MCPH1: variants seen among roughly 807,000 people sequenced by gnomAD.
The protein encoded by MCPH1 is microcephalin.
A neutral mutation model predicts 84.5 loss-of-function variants in MCPH1; 104 were observed. That is an observed-to-expected ratio of 1.23 (90% CI 1.05 to 1.45). The LOEUF (loss-of-function observed/expected upper bound fraction) is 1.45. MCPH1 is among the 40% of genes most tolerant of loss of function. The pLI is 0.00. For missense variants in MCPH1, 1,498 were observed against 1,005.7 expected, an observed-to-expected ratio of 1.49 and a Z score of -6.62; for synonymous variants, 514 against 366.8, an observed-to-expected ratio of 1.40 and a Z score of -4.58.
intron 13 of MCPH1, among the ~76,000 whole-genome samples, chr8:6,635,957 C>T (rs746317280): frequency 2.6e-5 from 4 of 152,194 alleles, no homozygotes; most frequent in Non-Finnish European, 5.9e-5. Context: ...TAAGTCTTCA[C>T]TGTGTTAATG....
intron 13 of MCPH1, chr8:6,625,801 G>A (rs902815676): frequency 3.1e-6 from 3 of 983,086 alleles, no homozygotes; most frequent in Admixed American, 1.2e-4. Flanking sequence ...AAAAAAAAAA[G>A]AATCATTTTT....
intron 12 of MCPH1, among the ~76,000 whole-genome samples, chr8:6,575,458 C>T (rs901170630): frequency 1.3e-5 from 2 of 152,108 alleles, no homozygotes; most frequent in Admixed American, 1.3e-4. Context: ...ATAAAGAAGA[C>T]CCAGGGTGGT....
At chr8:6,414,728 A>C (rs1397017497) in intron 2 of MCPH1, 37 bp from the exon 3 acceptor site, 1 of 1,608,558 alleles carries the variant, frequency 6.2e-7, no homozygotes, top group South Asian at 1.1e-5. Flanking sequence ...GTGAATGAAC[A>C]GTAATGTACA....
Position 6,480,723 on chromosome 8 carries a change from T to C in MCPH1, c.1983T>C (p.Asn661=). Reference sequence around the variant, plus strand: ...TCCCCCGATTTGACAGAAAGCAGAATGTCGTCATCCAGGTTGTGGATAAAT... The same window carrying C: ...TCCCCCGATTTGACAGAAAGCAGAACGTCGTCATCCAGGTTGTGGATAAAT... ...VMTSMPSEKQ[N]VVIQVVDKLK... Residue 661 remains asparagine (N), a synonymous_variant, in exon 11 of 14, where the codon AAT becomes AAC. Coordinates refer to ENST00000344683, the MANE Select transcript of MCPH1 (RefSeq NM_024596.5). 2 of 1,614,210 alleles carry C rather than the reference T, an allele frequency of 1.2e-6. No homozygotes were observed. Among genetic ancestry groups the C allele is most frequent in the Non-Finnish European group, 1.7e-6 (2 of 1,180,020 alleles).
Position 6,480,773 on chromosome 8 carries a change from A to T in MCPH1, c.2033A>T (p.Asp678Val). The change falls in exon 11 of 14, where the codon GAC becomes GTC. Residue 678 changes from aspartate to valine, a missense_variant. By Grantham distance (152) the Asp-to-Val change is radical (BLOSUM62 -3). Transcript: ENST00000344683. The part of the protein sequence containing the change: ...DKLKGFSIAP[D>V]VCETTTHVLS... ...TTGAAAGGCTTTTCAATTGCACCAGACGTCTGTGAGACCACGACTCACGTG... is the reference window on the plus strand; with the variant it reads ...TTGAAAGGCTTTTCAATTGCACCAGTCGTCTGTGAGACCACGACTCACGTG... 1 of 1,614,200 alleles carries T rather than the reference A, an allele frequency of 6.2e-7. No homozygotes were observed. The highest frequency in any genetic ancestry group is 1.1e-5 in the South Asian group (1 of 91,082).
intron 3 of MCPH1, among the ~76,000 whole-genome samples, chr8:6,416,795 A>T (rs1335960943): frequency 1.3e-5 from 2 of 150,040 alleles, no homozygotes; most frequent in African/African-American, 4.9e-5. Context: ...GGAGTTTGAG[A>T]CCAGCCTGAT....
chr8:6,429,087 C>T (rs1387568218), intron 3 of MCPH1, among the ~76,000 whole-genome samples: 2 of 152,244 alleles, frequency 1.3e-5, no homozygotes, highest in Non-Finnish European at 2.9e-5. Flanking sequence ...AGGCTCTTTC[C>T]ACTCTTGATT....
At chr8:6,530,508 CAAAAAA>C (rs55729820) in intron 12 of MCPH1, among the ~76,000 whole-genome samples, 22,629 of 98,266 alleles carry the variant, frequency 0.23, 2,315 homozygotes, top group African/African-American at 0.39. Context: ...GACTCTGTCT[CAAAAAA>C]AAAAAAAAAA....
intron 13 of MCPH1, among the ~76,000 whole-genome samples, chr8:6,633,796 GTT>G (rs1479799392): frequency 1.3e-5 from 2 of 152,162 alleles, no homozygotes; most frequent in Non-Finnish European, 2.9e-5. Context: ...ACTCACTGTG[GTT>G]TTTTGCTTAT....
chr8:6,471,100 A>G (rs1807661781), intron 9 of MCPH1, among the ~76,000 whole-genome samples: 1 of 152,096 alleles, frequency 6.6e-6, no homozygotes, highest in African/African-American at 2.4e-5. Context: ...GGTGACCAAC[A>G]TACTCAGTGG....
chr8:6,437,526 G>A (rs1802844236), intron 5 of MCPH1, among the ~76,000 whole-genome samples: 1 of 152,194 alleles, frequency 6.6e-6, no homozygotes, highest in East Asian at 1.9e-4. Flanking sequence ...ACCGCGCCCG[G>A]CCAAGATTTA....
intron 12 of MCPH1, among the ~76,000 whole-genome samples, chr8:6,605,033 C>G (rs1211172215): frequency 2.0e-5 from 3 of 152,086 alleles, no homozygotes; most frequent in Non-Finnish European, 4.4e-5. Flanking sequence ...CTAGAGAAGT[C>G]AGGTCACCCC....
chr8:6,640,251 A>C (rs1212718152), intron 13 of MCPH1, among the ~76,000 whole-genome samples: 1 of 152,148 alleles, frequency 6.6e-6, no homozygotes, highest in Non-Finnish European at 1.5e-5. Context: ...CAGTGAAATT[A>C]CTGTGCCCTA....
chr8:6,502,550 ACTAACTGTTTTTCCAAATATTAAACTT>A (rs748656591), intron 12 of MCPH1: 4 of 152,268 alleles, frequency 2.6e-5, no homozygotes, highest in Non-Finnish European at 4.4e-5. Flanking sequence ...GTAAAAATGC[ACTAACTGTTTTTCCAAATATTAAACTT>A]CTAGTAACCC....
At chr8:6,574,146 G>A (rs370652559) in intron 12 of MCPH1, among the ~76,000 whole-genome samples, 3 of 152,170 alleles carry the variant, frequency 2.0e-5, no homozygotes, top group Non-Finnish European at 4.4e-5. Flanking sequence ...CTGCTGTATT[G>A]GTTTGCTAAG....
intron 2 of MCPH1, among the ~76,000 whole-genome samples, chr8:6,411,063 C>T (rs868197799): frequency 6.6e-6 from 1 of 152,104 alleles, no homozygotes; most frequent in African/African-American, 2.4e-5. Context: ...GCACTCCAGC[C>T]TGGGCGACGG....
intron 1 of MCPH1, 122 bp downstream of exon 1, chr8:6,406,811 T>TC: frequency 9.1e-7 from 1 of 1,094,082 alleles, no homozygotes; most frequent in South Asian, 1.3e-5. Flanking sequence ...GCTGCCTGTC[T>TC]CCCCCAGACC....
In MCPH1 at chr8:6,645,198, C is replaced by G. The variant is rs1307320131; in HGVS notation, c.*2149C>G. ...GCCCAGCCTCTGCCCACCCAGGCCT[C>G]AGTCCCCAGTGTTAAGTTCTGATCC... is the stretch of plus-strand genomic sequence containing the variant. On this transcript the variant is annotated 3_prime_UTR_variant, in exon 14 of 14. Transcript: ENST00000344683. The G allele has an allele frequency of 6.6e-6, 1 of 152,406 alleles. No homozygotes were observed. The highest frequency in any genetic ancestry group is 1.5e-5 in the Non-Finnish European group (1 of 68,088). The allele number at this position is 152,406 out of a possible 1,614,324, so 9.4% of individuals were successfully genotyped here. A position where few individuals can be genotyped will look rare whatever the true frequency, so the allele number is the denominator to read the frequency against.
intron 12 of MCPH1, among the ~76,000 whole-genome samples, chr8:6,578,207 G>C (rs1827270912): frequency 6.6e-6 from 1 of 152,232 alleles, no homozygotes; most frequent in African/African-American, 2.4e-5. Flanking sequence ...GCTCATGGGA[G>C]AGGGAAATGG....
Sources: gnomAD v4.1 joint callset for allele counts (sites outside exome capture counted in the v4.1 genomes callset) on GRCh38, gnomAD v4.1.1 for gene constraint, MANE v1.5 for transcripts, NCBI Gene and HGNC (gene_info 2026-07-23, HGNC 2026-07-21) for gene names.